Variants in PPHLN1 observed in about 807,000 individuals in gnomAD.
The protein encoded by PPHLN1 is periphilin-1.
In PPHLN1, 29 loss-of-function variants were observed where a neutral mutation model predicts 51.3. The observed-to-expected ratio is 0.57, with a 90% CI of 0.42 to 0.77. PPHLN1 has a LOEUF of 0.77. PPHLN1 is among the 30% of genes least tolerant of loss of function. PPHLN1 has a pLI of 0.00. For missense variants in PPHLN1, 436 were observed against 438.4 expected (o/e 0.99, Z 0.05); for synonymous variants, 147 against 147.8 (o/e 0.99, Z 0.04).
At chr12:42,407,318 G>A (rs111740126) in intron 9 of PPHLN1, among the ~76,000 whole-genome samples, 2 of 152,324 alleles carry the variant, frequency 1.3e-5, no homozygotes, top group African/African-American at 4.8e-5. Flanking sequence ...CATGACTGGA[G>A]CTGGTAGATT....
intron 4 of PPHLN1, 163 bp from the exon 5 acceptor site, chr12:42,374,700 C>T (rs1019208059): frequency 2.8e-5 from 15 of 536,730 alleles, no homozygotes; most frequent in East Asian, 9.7e-5. Flanking sequence ...GTGATCTGCC[C>T]GTCTCGGCCT....
At chr12:42,336,022 T>C (rs1425349339) in intron 2 of PPHLN1, 48 bp downstream of exon 2, 2 of 1,293,212 alleles carry the variant, frequency 1.5e-6, no homozygotes, top group South Asian at 1.6e-5. Flanking sequence ...GGTGTCTGAA[T>C]TAATTTGATA....
chr12:42,341,637 T>A (rs1310942813), intron 2 of PPHLN1, among the ~76,000 whole-genome samples: 6 of 152,112 alleles, frequency 3.9e-5, no homozygotes, highest in African/African-American at 7.2e-5. Flanking sequence ...TATTATTATT[T>A]TTTGAGGCGG....
Position 42,441,374 on chromosome 12 carries a change from T to C in PPHLN1, c.969T>C (p.Asp323=), listed in dbSNP as rs895300874. ...GMVVKMLIEK[D]PSLEKSIQFA... is the part of the protein sequence containing the mutation. ...TGGTGAAAATGCTGATTGAAAAAGA[T>C]CCTTCATTAGAAAAGTCTATACAGT... Residue 323 remains aspartate (D), a synonymous_variant, in exon 10 of 10, where the codon GAT becomes GAC. Transcript: ENST00000358314. 3.7e-6 allele frequency: 6 copies of C among 1,613,922 alleles called. No individual in the cohort carries two copies. Among genetic ancestry groups the C allele is most frequent in the African/African-American group, 1.3e-5 (1 of 75,040 alleles).
chr12:42,420,036 A>G (rs1343609330), intron 9 of PPHLN1, among the ~76,000 whole-genome samples: 3 of 152,350 alleles, frequency 2.0e-5, no homozygotes, highest in East Asian at 1.9e-4. Context: ...TTTAATTAAC[A>G]TGACTTCTTT....
chr12:42,392,825 A>G (rs1256895862), intron 7 of PPHLN1, among the ~76,000 whole-genome samples: 3 of 151,984 alleles, frequency 2.0e-5, no homozygotes, highest in East Asian at 3.9e-4. Context: ...CTAAGGTACC[A>G]AGCATTATTG....
intron 9 of PPHLN1, among the ~76,000 whole-genome samples, chr12:42,416,111 A>T (rs1332107542): frequency 6.6e-6 from 1 of 152,192 alleles, no homozygotes; most frequent in Non-Finnish European, 1.5e-5. Context: ...GGAATAATCA[A>T]CAATTATCAG....
chr12:42,367,668 A>G (rs2075401435), intron 4 of PPHLN1, among the ~76,000 whole-genome samples: 1 of 152,028 alleles, frequency 6.6e-6, no homozygotes, highest in Non-Finnish European at 1.5e-5. Context: ...TCTGTTTTTT[A>G]TTAGTGTGTT....
downstream of PPHLN1, chr12:42,446,075 C>G (rs370089469): frequency 6.5e-6 from 10 of 1,549,760 alleles, no homozygotes; most frequent in South Asian, 5.9e-5. Context: ...GGCCCCGCAG[C>G]CCCCGCAGGC....
At chr12:42,388,163 TAA>T (rs1401367921) in intron 7 of PPHLN1, among the ~76,000 whole-genome samples, 1 of 152,144 alleles carries the variant, frequency 6.6e-6, no homozygotes. Flanking sequence ...GGTGGATTAT[TAA>T]AAGAGGAAAG....
chr12:42,349,713 C>G (rs1249722831), intron 2 of PPHLN1, among the ~76,000 whole-genome samples: 2 of 151,672 alleles, frequency 1.3e-5, no homozygotes, highest in Admixed American at 6.6e-5. Context: ...TCAGAGAGCA[C>G]GGGGTTGGGG....
At chr12:42,445,853 A>T, downstream of PPHLN1, 1 of 1,287,018 alleles carries the variant, frequency 7.8e-7, no homozygotes, top group Non-Finnish European at 1.0e-6. Context: ...GCACTTTGCT[A>T]AAACCTCTCC....
intron 6 of PPHLN1, among the ~76,000 whole-genome samples, chr12:42,386,810 C>T (rs367731138): frequency 1.3e-5 from 2 of 152,034 alleles, no homozygotes; most frequent in Non-Finnish European, 2.9e-5. Context: ...TTTTCTGGCT[C>T]AAGTTTCTAT....
At chr12:42,378,582 A>G (rs2076502903) in intron 5 of PPHLN1, among the ~76,000 whole-genome samples, 1 of 148,346 alleles carries the variant, frequency 6.7e-6, no homozygotes, top group Admixed American at 6.8e-5. Context: ...TAAAATAATT[A>G]TGCCCTCATT....
At chr12:42,376,656 T>C (rs2076289794) in intron 5 of PPHLN1, among the ~76,000 whole-genome samples, 1 of 152,084 alleles carries the variant, frequency 6.6e-6, no homozygotes. Flanking sequence ...CTGGGTATGG[T>C]GATGTATGCT....
downstream of PPHLN1, chr12:42,444,412 A>G (rs932712602): frequency 6.7e-6 from 1 of 148,848 alleles, no homozygotes; most frequent in East Asian, 2.0e-4. Flanking sequence ...GAGGAAATCA[A>G]GCTATTTCTC....
downstream of PPHLN1, chr12:42,445,505 C>T (rs930987642): frequency 2.0e-5 from 4 of 195,920 alleles, no homozygotes; most frequent in Admixed American, 1.6e-4. Context: ...ACCTAATTAG[C>T]GCACATGCTC....
chr12:42,441,191 G>T, intron 9 of PPHLN1, 124 bp from the exon 10 acceptor site: 2 of 1,321,422 alleles, frequency 1.5e-6, no homozygotes, highest in South Asian at 1.7e-5. Context: ...GGCGAGAAAG[G>T]TTCCGCTTTC....
chr12:42,388,670 C>T (rs1277638528), intron 7 of PPHLN1, among the ~76,000 whole-genome samples: 1 of 152,164 alleles, frequency 6.6e-6, no homozygotes, highest in African/African-American at 2.4e-5. Flanking sequence ...TCCCACCTGA[C>T]GAGATATACC....
Sources: gnomAD v4.1 joint callset for allele counts (sites outside exome capture counted in the v4.1 genomes callset) on GRCh38, gnomAD v4.1.1 for gene constraint, MANE v1.5 for transcripts, NCBI Gene and HGNC (gene_info 2026-07-23, HGNC 2026-07-21) for gene names.